The following TRPV5 variants were observed in gnomAD, a reference collection of about 807,000 sequenced individuals.
TRPV5 encodes the protein calcium transport protein 2.
A neutral mutation model predicts 74.1 loss-of-function variants in TRPV5; 66 were observed. The observed-to-expected ratio is 0.89, with a 90% confidence interval of 0.73 to 1.09. The LOEUF is 1.09. TRPV5 is among the 50% of genes least tolerant of loss of function. The pLI is 0.00. For missense variants in TRPV5, 936 were observed against 930.4 expected, an observed-to-expected ratio of 1.01 and a Z score of -0.08; for synonymous variants, 399 against 360.7, an observed-to-expected ratio of 1.11 and a Z score of -1.20.
intron 8 of TRPV5, among the ~76,000 whole-genome samples, chr7:142,924,326 GTATA>G (rs1402762951): frequency 1.2e-4 from 1 of 8,616 alleles, no homozygotes; most frequent in South Asian, 2.7e-3. Flanking sequence ...ACATATACAT[GTATA>G]TATATACATA....
intron 1 of TRPV5, 66 bp downstream of exon 1, chr7:142,933,266 G>A: frequency 6.3e-7 from 1 of 1,588,334 alleles, no homozygotes; most frequent in Non-Finnish European, 8.6e-7. Context: ...CGGAAAGCAG[G>A]CCCAGGTGGG....
chr7:142,909,439 T>C, intron 14 of TRPV5, 51 bp downstream of exon 14: 1 of 1,597,930 alleles, frequency 6.3e-7, no homozygotes. Context: ...CACCCTTGCT[T>C]CCGTGGCCTT....
In TRPV5 at chr7:142,933,682, A is replaced by C. The variant is rs1207469507; in HGVS notation, c.-223T>G. ...TATGCACAGTGTGTGGCTGTGGTGT[A>C]TGTGTGTGCATGCAGTGTGTGGTTG... On this transcript the variant is annotated 5_prime_UTR_variant, in exon 1 of 15. Coordinates refer to ENST00000265310, the MANE Select transcript of TRPV5 (RefSeq NM_019841.7). 3.4e-6 allele frequency: 2 copies of C among 583,330 alleles called. No homozygotes were observed. Among genetic ancestry groups the C allele is most frequent in the African/African-American group, 3.8e-5 (2 of 52,742 alleles). 36.1% of individuals were successfully genotyped at this position (583,330 alleles called of 1,614,324 possible).
At chr7:142,917,293 C>T (rs768346509) in intron 8 of TRPV5, among the ~76,000 whole-genome samples, 57 of 152,100 alleles carry the variant, frequency 3.7e-4, no homozygotes, top group Non-Finnish European at 6.2e-4. Context: ...AAATACATTA[C>T]TTCAGAAACA....
In TRPV5 at chr7:142,933,521, G is replaced by A. The variant is rs1276995334; in HGVS notation, c.-62C>T. On this transcript the variant is annotated 5_prime_UTR_variant, in exon 1 of 15. Transcript: ENST00000265310. ...GTGGCGAAAGAAACAGGTCTAGGAT[G>A]ACAGCAACTGAGCAAGAGATGGGGT... is the stretch of plus-strand genomic sequence containing the variant. 6.4e-7 allele frequency: 1 copy of A among 1,569,220 alleles called. No homozygotes were observed. Among genetic ancestry groups the A allele is most frequent in the East Asian group, 2.2e-5 (1 of 44,592 alleles).
chr7:142,915,403 G>C lies in TRPV5; in HGVS notation c.1210-20C>G. The C allele has an allele frequency of 6.2e-7, 1 of 1,607,902 alleles. No homozygotes were observed. The highest frequency in any genetic ancestry group is 8.5e-7 in the Non-Finnish European group (1 of 1,178,308). ...TGGAATCTGGGGAGAGGACGGCAAA[G>C]CAAAAATACAATGTGGACTGCGGTA... On this transcript the variant is annotated intron_variant, in intron 9 of 14. Transcript: ENST00000265310.
intron 14 of TRPV5, among the ~76,000 whole-genome samples, chr7:142,909,029 G>A (rs1795665131): frequency 6.6e-6 from 1 of 152,110 alleles, no homozygotes; most frequent in South Asian, 2.1e-4. Context: ...CTTGCAGGGT[G>A]GTAGGACGCA....
Sources: gnomAD v4.1 joint callset for allele counts (sites outside exome capture counted in the v4.1 genomes callset) on GRCh38, gnomAD v4.1.1 for gene constraint, MANE v1.5 for transcripts, NCBI Gene and HGNC (gene_info 2026-07-23, HGNC 2026-07-21) for gene names.